The following NYAP2 variants were observed in gnomAD, a reference collection of about 807,000 sequenced individuals.
NYAP2 encodes neuronal tyrosine-phosphorylated phosphoinositide-3-kinase adapter 2.
NYAP2 carries 23 observed loss-of-function variants against 50.4 expected under a neutral mutation model. The observed-to-expected ratio is 0.46, with a 90% CI of 0.33 to 0.65. The LOEUF (loss-of-function observed/expected upper bound fraction) is 0.65. Ranked by LOEUF, NYAP2 falls within the 30% of genes least tolerant of loss-of-function variation. The pLI, the probability that NYAP2 is intolerant of heterozygous loss-of-function variation, is 0.02. For synonymous variants in NYAP2, 394 were observed against 365.2 expected, an observed-to-expected ratio of 1.08 and a Z score of -0.90; for missense variants, 885 against 861.0, an observed-to-expected ratio of 1.03 and a Z score of -0.35.
intron 5 of NYAP2, among the ~76,000 whole-genome samples, chr2:225,625,019 T>G (rs1693184798): frequency 8.1e-6 from 1 of 123,360 alleles, no homozygotes; most frequent in South Asian, 2.4e-4. Context: ...CTGCTGAAAG[T>G]TGATAAGGAT....
chr2:225,586,295 G>A (rs1692388759), intron 5 of NYAP2, among the ~76,000 whole-genome samples: 1 of 152,108 alleles, frequency 6.6e-6, no homozygotes, highest in Admixed American at 6.5e-5. Context: ...GACAAAAGAG[G>A]TAGATTATAA....
chr2:225,526,138 G>T (rs1691145859), intron 4 of NYAP2, among the ~76,000 whole-genome samples: 1 of 152,224 alleles, frequency 6.6e-6, no homozygotes, highest in Non-Finnish European at 1.5e-5. Flanking sequence ...ACCCTGAGCA[G>T]AGAACATAGC....
chr2:225,471,342 A>G (rs956099767), intron 3 of NYAP2, among the ~76,000 whole-genome samples: 2 of 152,304 alleles, frequency 1.3e-5, no homozygotes, highest in Non-Finnish European at 2.9e-5. Context: ...TGCTTAGAAA[A>G]CCAGCTTCTT....
At chr2:225,650,807 T>C (rs545797955) in intron 6 of NYAP2, among the ~76,000 whole-genome samples, 1 of 152,238 alleles carries the variant, frequency 6.6e-6, no homozygotes, top group Non-Finnish European at 1.5e-5. Flanking sequence ...GTCCTCAAAC[T>C]GTAATCTCTA....
intron 6 of NYAP2, among the ~76,000 whole-genome samples, chr2:225,642,690 C>G (rs946341699): frequency 6.6e-6 from 1 of 152,100 alleles, no homozygotes; most frequent in African/African-American, 2.4e-5. Flanking sequence ...TTCATGTGGC[C>G]ACTTCTGGAG....
intron 5 of NYAP2, among the ~76,000 whole-genome samples, chr2:225,622,518 C>CTTCTTTCTTTCTTTCTTTCTTTCT (rs1553557351): frequency 6.2e-4 from 44 of 70,412 alleles, no homozygotes; most frequent in African/African-American, 1.5e-3. Flanking sequence ...TTCTTTCTTT[C>CTTCTTTCTTTCTTTCTTTCTTTCT]TTCTTTCTTT....
At chr2:225,520,635 T>G (rs1230173910) in intron 4 of NYAP2, among the ~76,000 whole-genome samples, 1 of 152,200 alleles carries the variant, frequency 6.6e-6, no homozygotes, top group Non-Finnish European at 1.5e-5. Context: ...GATCTATATT[T>G]CTGTTTTGGT....
chr2:225,457,145 C>T (rs763876024), intron 3 of NYAP2, among the ~76,000 whole-genome samples: 23 of 152,206 alleles, frequency 1.5e-4, no homozygotes, highest in African/African-American at 2.7e-4. Context: ...ACTGGTCCTA[C>T]GCTATGCGGA....
chr2:225,622,050 G>A (rs550547074), intron 5 of NYAP2, among the ~76,000 whole-genome samples: 30 of 152,096 alleles, frequency 2.0e-4, no homozygotes, highest in Non-Finnish European at 4.1e-4. Context: ...ATTGTTATTT[G>A]AGACAAGGTC....
chr2:225,675,418 T>C, the NYAP2 span, among the ~76,000 whole-genome samples: 1 of 152,294 alleles, frequency 6.6e-6, no homozygotes, highest in Non-Finnish European at 1.5e-5. Flanking sequence ...AGTATTGCAA[T>C]AGCTTGCCTA....
intron 4 of NYAP2, among the ~76,000 whole-genome samples, chr2:225,535,604 C>A (rs1289409637): frequency 6.6e-6 from 1 of 152,140 alleles, no homozygotes; most frequent in Admixed American, 6.5e-5. Context: ...GAGATTTATT[C>A]CAAGGGAGCA....
chr2:225,667,661 A>G, the NYAP2 span, among the ~76,000 whole-genome samples: 49 of 152,112 alleles, frequency 3.2e-4, no homozygotes, highest in Non-Finnish European at 7.4e-5. Flanking sequence ...TGACAGGGGG[A>G]TTGTAGAAGA....
rs529645903 is a variant in NYAP2 at position 225,568,894 on chromosome 2, C to A, written c.524-13047C>A. 4.6e-5 allele frequency among the ~76,000 whole-genome samples: 7 copies of A among 152,234 alleles called. No individual in the cohort carries two copies. In the East Asian group the frequency reaches 1.3e-3, roughly 29 times the overall value. On this transcript the variant is annotated intron_variant, in intron 4 of 6. Transcript: ENST00000636099. The stretch of plus-strand genomic sequence containing the variant: ...GAGAGGGAAAGCTTTCCCCCTTATA[C>A]TCTGAAGGTTTCCTGAAAATCAACT...
intron 5 of NYAP2, among the ~76,000 whole-genome samples, chr2:225,591,905 G>C (rs899162688): frequency 6.6e-6 from 1 of 152,110 alleles, no homozygotes; most frequent in Non-Finnish European, 1.5e-5. Context: ...TTTAGGAAGG[G>C]GGTGGGAAAT....
chr2:225,417,482 C>T (rs192844818), intron 3 of NYAP2, among the ~76,000 whole-genome samples: 1 of 151,700 alleles, frequency 6.6e-6, no homozygotes, highest in Non-Finnish European at 1.5e-5. Context: ...CATGTCCATA[C>T]TGGAATGTAA....
chr2:225,408,382 A>G (rs1324232634), intron 2 of NYAP2, among the ~76,000 whole-genome samples: 3 of 152,074 alleles, frequency 2.0e-5, no homozygotes, highest in Non-Finnish European at 4.4e-5. Flanking sequence ...GTTCAGATTC[A>G]TACATTTTAA....
the NYAP2 span, among the ~76,000 whole-genome samples, chr2:225,692,952 T>A: frequency 2.6e-5 from 4 of 152,080 alleles, no homozygotes; most frequent in African/African-American, 9.7e-5. Flanking sequence ...GTAGTGTTTT[T>A]AATTCACATA....
intron 5 of NYAP2, among the ~76,000 whole-genome samples, chr2:225,589,073 T>C (rs1692442526): frequency 6.6e-6 from 1 of 152,170 alleles, no homozygotes; most frequent in African/African-American, 2.4e-5. Context: ...CTTTTCACTC[T>C]TTTCCTAATT....
chr2:225,651,652 A>ATGTGTGTACGGGG (rs1310885384), exon 7 of NYAP2: 1 of 1,453,724 alleles, frequency 6.9e-7, no homozygotes, highest in Non-Finnish European at 9.5e-7. Context: ...TTATTTTTCT[A>ATGTGTGTACGGGG]TGTGTGTATG....
Sources: allele counts gnomAD v4.1 joint callset (sites outside exome capture counted in the v4.1 genomes callset), GRCh38; gene constraint gnomAD v4.1.1; transcripts MANE v1.5; gene names NCBI Gene and HGNC (gene_info 2026-07-23, HGNC 2026-07-21).